The following CUX1 variants were observed in gnomAD, a reference collection of about 807,000 sequenced individuals.
The protein encoded by CUX1 is cut like homeobox 1.
In CUX1, 31 loss-of-function variants were observed where a neutral mutation model predicts 158.8. The ratio of observed to expected loss-of-function variants is 0.20; its 90% CI spans 0.15 to 0.26. The LOEUF (loss-of-function observed/expected upper bound fraction) is 0.26, where lower values mean the gene tolerates loss of function less well. CUX1 is among the 10% of genes least tolerant of loss of function. CUX1 has a pLI of 1.00. For missense variants in CUX1, 1,589 were observed against 2,014.6 expected, an observed-to-expected ratio of 0.79 and a Z score of 4.04; for synonymous variants, 879 against 862.1, an observed-to-expected ratio of 1.02 and a Z score of -0.34.
chr7:102,086,892 C>T (rs1359361963), intron 4 of CUX1, among the ~76,000 whole-genome samples: 1 of 151,944 alleles, frequency 6.6e-6, no homozygotes, highest in East Asian at 1.9e-4. Context: ...TATACAATGA[C>T]CTTCATTATT....
At chr7:101,976,637 C>T (rs994741963) in intron 2 of CUX1, among the ~76,000 whole-genome samples, 3 of 152,054 alleles carry the variant, frequency 2.0e-5, no homozygotes, top group Non-Finnish European at 2.9e-5. Context: ...GATCTGATGA[C>T]GAGTGTGAAT....
intron 23 of CUX1, among the ~76,000 whole-genome samples, chr7:102,240,498 TCCTA>T (rs782278975): frequency 6.6e-6 from 1 of 152,012 alleles, no homozygotes; most frequent in Non-Finnish European, 1.5e-5. Context: ...CCTCAAGCAG[TCCTA>T]CCACCTCAAC....
intron 20 of CUX1, among the ~76,000 whole-genome samples, chr7:102,218,291 T>C (rs1359446851): frequency 1.3e-5 from 2 of 152,314 alleles, no homozygotes. Flanking sequence ...TTCCCCATTG[T>C]GGAAAGCTCA....
At chr7:101,915,059 C>A (rs977456269) in intron 1 of CUX1, among the ~76,000 whole-genome samples, 1 of 152,128 alleles carries the variant, frequency 6.6e-6, no homozygotes, top group Non-Finnish European at 1.5e-5. Flanking sequence ...TGCTTGGACT[C>A]AGGGTGATGG....
intron 2 of CUX1, among the ~76,000 whole-genome samples, chr7:101,920,939 T>C (rs1804845986): frequency 6.6e-6 from 1 of 152,066 alleles, no homozygotes; most frequent in Admixed American, 6.6e-5. Flanking sequence ...GATCCTCTCC[T>C]TATAGCCTCC....
At chr7:102,170,219 G>T (rs192493472) in intron 9 of CUX1, among the ~76,000 whole-genome samples, 119 of 152,294 alleles carry the variant, frequency 7.8e-4, no homozygotes, top group African/African-American at 2.6e-3. Context: ...GGATTCCTTT[G>T]CTCCTAGCGT....
intron 4 of CUX1, among the ~76,000 whole-genome samples, chr7:102,072,205 G>A (rs967339728): frequency 7.2e-5 from 11 of 152,314 alleles, no homozygotes; most frequent in South Asian, 4.2e-4. Flanking sequence ...CTGAGCAGCC[G>A]CTCAAGGGCC....
chr7:102,248,316 C>A lies in CUX1; in HGVS notation c.3888-96C>A. 1 of 1,197,430 alleles carries A rather than the reference C, an allele frequency of 8.4e-7. No homozygotes were observed. Among genetic ancestry groups the A allele is most frequent in the Non-Finnish European group, 1.1e-6 (1 of 875,798 alleles). The allele number at this position is 1,197,430 out of a possible 1,614,324, so 74.2% of individuals were successfully genotyped here. A position where few individuals can be genotyped will look rare whatever the true frequency, so the allele number is the denominator to read the frequency against. On this transcript the variant is annotated intron_variant, in intron 23 of 23. Coordinates refer to ENST00000292535, the MANE Select transcript of CUX1 (RefSeq NM_181552.4). The surrounding 1 kb of genome is among the most constrained non-coding windows in gnomAD (Gnocchi z 5.8). ...GGAGGGGCCTCCAGGCTGGACGGAG[C>A]AGGAGCCCCAGAGAGAGGGGTCTGG...
intron 1 of CUX1, among the ~76,000 whole-genome samples, chr7:101,878,820 G>A (rs1799426024): frequency 1.3e-5 from 2 of 151,816 alleles, no homozygotes; most frequent in Admixed American, 6.6e-5. Flanking sequence ...TTACAGGCGC[G>A]CACCACCATG....
intron 2 of CUX1, among the ~76,000 whole-genome samples, chr7:101,977,224 T>C (rs1397350150): frequency 6.6e-6 from 1 of 152,024 alleles, no homozygotes; most frequent in Non-Finnish European, 1.5e-5. Flanking sequence ...CCTTCCTGAT[T>C]TCCATTTCCG....
At chr7:102,147,977 A>AAATAAAT (rs1554502556) in intron 8 of CUX1, among the ~76,000 whole-genome samples, 1 of 152,142 alleles carries the variant, frequency 6.6e-6, no homozygotes, top group Non-Finnish European at 1.5e-5. Flanking sequence ...CTCCGTCTCA[A>AAATAAAT]AAATAAATAA....
intron 3 of CUX1, among the ~76,000 whole-genome samples, chr7:102,033,716 G>A (rs1321458102): frequency 1.3e-5 from 2 of 152,186 alleles, no homozygotes; most frequent in Non-Finnish European, 2.9e-5. Context: ...AATCATTCAT[G>A]AAATAGAGAG....
Position 102,248,673 on chromosome 7 carries a change from G to A in CUX1, c.4149G>A (p.Pro1383=). The A allele has an allele frequency of 7.6e-7, 1 of 1,314,468 alleles. No homozygotes were observed. The highest frequency in any genetic ancestry group is 9.7e-7 in the Non-Finnish European group (1 of 1,031,818). 81.4% of individuals were successfully genotyped at this position (1,314,468 alleles called of 1,614,324 possible). A position where few individuals can be genotyped will look rare whatever the true frequency, so the allele number is the denominator to read the frequency against. ...TEPPPSGTPG[P]DDARDDDHEG... ...CGCCGCCCTCGGGGACCCCGGGCCC[G>A]GACGACGCCCGCGACGACGACCACG... Residue 1383 remains proline, a synonymous_variant, in exon 24 of 24, where the codon CCG becomes CCA. Coordinates refer to ENST00000292535, the MANE Select transcript of CUX1 (RefSeq NM_181552.4). The surrounding 1 kb of genome is among the most constrained non-coding windows in gnomAD (Gnocchi z 5.8).
chr7:101,892,795 G>A (rs1192959411), intron 1 of CUX1, among the ~76,000 whole-genome samples: 1 of 151,946 alleles, frequency 6.6e-6, no homozygotes, highest in Non-Finnish European at 1.5e-5. Context: ...TAAATTTTTA[G>A]ACCATTAAAG....
At chr7:102,135,698 G>C (rs1833830981) in intron 8 of CUX1, among the ~76,000 whole-genome samples, 1 of 152,114 alleles carries the variant, frequency 6.6e-6, no homozygotes, top group Admixed American at 6.5e-5. Flanking sequence ...TTTCAGGCCA[G>C]GCACGGTGGC....
At chr7:101,921,452 A>G (rs550737210) in intron 2 of CUX1, among the ~76,000 whole-genome samples, 17 of 151,494 alleles carry the variant, frequency 1.1e-4, no homozygotes, top group Non-Finnish European at 1.3e-4. Context: ...TTATTTATTT[A>G]TTTATTTATT....
chr7:101,958,118 G>A (rs746956837), intron 2 of CUX1, among the ~76,000 whole-genome samples: 5 of 152,286 alleles, frequency 3.3e-5, no homozygotes, highest in Middle Eastern at 3.4e-3. Context: ...TATTGCCACC[G>A]TGCCATGTGC....
intron 12 of CUX1, 46 bp from the exon 13 acceptor site, chr7:102,193,796 T>C (rs534656385): frequency 2.5e-6 from 4 of 1,588,704 alleles, no homozygotes; most frequent in East Asian, 4.5e-5. Flanking sequence ...AACGAGACTC[T>C]GTCTCAAAAA....
At chr7:102,132,321 GCGCACGCCA>G (rs1833369991) in intron 8 of CUX1, among the ~76,000 whole-genome samples, 1 of 102 alleles carries the variant, frequency 9.8e-3, no homozygotes, top group African/African-American at 0.031. Context: ...GCGCGCGCGC[GCGCACGCCA>G]CGCACACACG....
Sources: allele counts gnomAD v4.1 joint callset (sites outside exome capture counted in the v4.1 genomes callset), GRCh38; gene constraint gnomAD v4.1.1; non-coding constraint Gnocchi (gnomAD v3.1); transcripts MANE v1.5; gene names NCBI Gene and HGNC (gene_info 2026-07-23, HGNC 2026-07-21).